Variants in TUBGCP6 observed in about 807,000 individuals in gnomAD.
TUBGCP6 encodes tubulin gamma complex component 6, also known as gamma-tubulin complex component 6.
TUBGCP6 carries 161 observed loss-of-function variants against 175.8 expected under a neutral mutation model. The observed-to-expected ratio is 0.92, with a 90% CI of 0.81 to 1.04. TUBGCP6 has a LOEUF of 1.04. Among genes scored for constraint, TUBGCP6 ranks in the 50% least tolerant of loss-of-function variants. The probability of loss-of-function intolerance (pLI) is 0.00; values close to 1 mark genes in which losing one functional copy is unlikely to be tolerated. For missense variants in TUBGCP6, 2,572 were observed against 2,433.0 expected, an observed-to-expected ratio of 1.06 and a Z score of -1.20; for synonymous variants, 1,173 against 1,030.5, an observed-to-expected ratio of 1.14 and a Z score of -2.65.
chr22:50,221,962 C>G (rs763815736), intron 15 of TUBGCP6, 66 bp downstream of exon 15: 79 of 1,601,364 alleles, frequency 4.9e-5, no homozygotes, highest in Non-Finnish European at 6.1e-5. Flanking sequence ...GCAGCCATGA[C>G]CAACACCAGG....
Position 50,226,810 on chromosome 22 carries a change from C to T in TUBGCP6, c.1524G>A (p.Glu508=), listed in dbSNP as rs913976842. The change falls in exon 7 of 25, where the codon GAG becomes GAA. Residue 508 remains glutamate, a synonymous_variant. Coordinates refer to ENST00000248846, the MANE Select transcript of TUBGCP6 (RefSeq NM_020461.4). ...GVKLLSYLYQ[E]ALHNCSNEHY... ...GCTCGTTGCTGCAGTTGTGCAGAGC[C>T]TCCTGGTAGAGGTAGGACAGCAGCT... 1.3e-6 allele frequency: 2 copies of T among 1,589,122 alleles called. No individual in the cohort carries two copies. The highest frequency in any genetic ancestry group is 1.7e-4 in the Middle Eastern group (1 of 6,040).
chr22:50,225,995 C>T, intron 9 of TUBGCP6, 52 bp from the exon 10 acceptor site: 2 of 1,613,244 alleles, frequency 1.2e-6, no homozygotes, highest in Non-Finnish European at 1.7e-6. Flanking sequence ...CAGCCTCATA[C>T]TCAGCCCCAG....
intron 3 of TUBGCP6, 99 bp from the exon 4 acceptor site, chr22:50,229,676 T>C (rs1270323859): frequency 5.3e-6 from 7 of 1,310,626 alleles, no homozygotes; most frequent in East Asian, 2.5e-5. Context: ...CCACGCCACC[T>C]AGAGTGCCTC....
chr22:50,244,647 C>G lies in TUBGCP6; in HGVS notation c.-188G>C, dbSNP rs1338245468. 4 of 959,604 alleles carry G rather than the reference C, an allele frequency of 4.2e-6. No homozygotes were observed. The highest frequency in any genetic ancestry group is 3.1e-5 in the Admixed American group (1 of 32,142). The allele number at this position is 959,604 out of a possible 1,614,324, so 59.4% of individuals were successfully genotyped here. A position where few individuals can be genotyped will look rare whatever the true frequency, so the allele number is the denominator to read the frequency against. Reference sequence around the variant, plus strand: ...GCGGTTGCTCTACTCAGAGTAAACACGCCCTGCCCTCCCCAGTCCAAGCAC... The same window carrying G: ...GCGGTTGCTCTACTCAGAGTAAACAGGCCCTGCCCTCCCCAGTCCAAGCAC... On this transcript the variant is annotated 5_prime_UTR_variant, in exon 1 of 25. Transcript: ENST00000248846.
At position 50,222,183 on chromosome 22, in the gene TUBGCP6, G is replaced by A. The variant is rs566791691; in HGVS notation, c.2410-81C>T. The A allele has an allele frequency of 2.0e-5, 29 of 1,432,664 alleles. 1 individual carries two copies. The highest frequency in any genetic ancestry group is 9.6e-5 in the South Asian group (8 of 83,714). 88.7% of individuals were successfully genotyped at this position (1,432,664 alleles called of 1,614,324 possible). ...CCCACACAAAGCCACAGCCCCTACC[G>A]CCCATGGCAGCCATGTGCACTGAAC... On this transcript the variant is annotated intron_variant, in intron 14 of 24. Transcript: ENST00000248846.
At chr22:50,234,818 C>G (rs1426596818) in intron 2 of TUBGCP6, among the ~76,000 whole-genome samples, 1 of 147,168 alleles carries the variant, frequency 6.8e-6, no homozygotes, top group African/African-American at 2.6e-5. Context: ...TCATCCACAC[C>G]CCCTGTCCAC....
Position 50,218,025 on chromosome 22 carries a change from T to A in TUBGCP6, c.5261A>T (p.Gln1754Leu). 3 of 1,613,240 alleles carry A rather than the reference T, an allele frequency of 1.9e-6. No individual in the cohort carries two copies. The South Asian group carries it at 3.3e-5, about 18-fold the overall frequency. The change falls in exon 24 of 25, where the codon CAG (glutamine) becomes CTG (leucine). Residue 1754 changes from glutamine (Q) to leucine (L), a missense_variant. Transcript: ENST00000248846. The part of the protein sequence containing the change: ...VLKFRSQLIS[Q>L]AWGPPGGPRG... Reference sequence around the variant, plus strand: ...CGGGCCCCCAGGGGGCCCCCAGGCCTGGGAGATGAGCTGGCTGCGGAACTT... The same window carrying A: ...CGGGCCCCCAGGGGGCCCCCAGGCCAGGGAGATGAGCTGGCTGCGGAACTT...
At chr22:50,220,138 G>A in intron 16 of TUBGCP6, 113 bp downstream of exon 16, 4 of 1,548,990 alleles carry the variant, frequency 2.6e-6, no homozygotes, top group Non-Finnish European at 3.5e-6. Context: ...GGTCCTGGCT[G>A]ACAAGGAGGC....
At chr22:50,241,780 C>T (rs548745219) in intron 1 of TUBGCP6, among the ~76,000 whole-genome samples, 24 of 152,260 alleles carry the variant, frequency 1.6e-4, no homozygotes, top group African/African-American at 5.5e-4. Flanking sequence ...GCCCCTTTTG[C>T]CTTGTATCCA....
Position 50,220,459 on chromosome 22 carries a change from G to T in TUBGCP6, c.3900C>A (p.His1300Gln), listed in dbSNP as rs369328830. 3 of 1,612,804 alleles carry T rather than the reference G, an allele frequency of 1.9e-6. No homozygotes were observed. The highest frequency in any genetic ancestry group is 2.7e-5 in the African/African-American group (2 of 74,944). The change falls in exon 16 of 25, where the codon CAC becomes CAA. Residue 1300 changes from histidine (H) to glutamine (Q), a missense_variant. By Grantham distance (24) the His-to-Gln change is conservative. Transcript: ENST00000248846. ...TPRPQQSPPG[H>Q]TSQSALSLGA... ...CCAGGCTGAGCGCTGACTGGGACGT[G>T]TGGCCAGGGGGGCTCTGTTGGGGCC...
Position 50,226,268 on chromosome 22 carries a change from G to A in TUBGCP6, c.1693+19C>T, listed in dbSNP as rs752090494. ...GCCCACAGGCACGGACCCCTGCCCC[G>A]CAATCAGCTGCCACCTACCTCGGAA... is the stretch of plus-strand genomic sequence containing the variant. On this transcript the variant is annotated intron_variant, in intron 8 of 24. Coordinates refer to ENST00000248846, the MANE Select transcript of TUBGCP6 (RefSeq NM_020461.4). 113 of 1,613,808 alleles carry A rather than the reference G, an allele frequency of 7.0e-5. No individual in the cohort carries two copies. In the South Asian group the frequency reaches 9.4e-4, roughly 13 times the overall value.
Position 50,225,949 on chromosome 22 carries a change from A to C in TUBGCP6, c.1834-6T>G, listed in dbSNP as rs2064601006. The C allele has an allele frequency of 1.9e-6, 3 of 1,613,062 alleles. No individual in the cohort carries two copies. The highest frequency in any genetic ancestry group is 2.5e-6 in the Non-Finnish European group (3 of 1,179,712). On this transcript the variant is annotated splice_polypyrimidine_tract_variant and splice_region_variant and intron_variant, in intron 9 of 24. Coordinates refer to ENST00000248846, the MANE Select transcript of TUBGCP6 (RefSeq NM_020461.4). Reference sequence around the variant, plus strand: ...TCGGACCAACAGAGGTAATGCTGCCAAAGGGGATGCAAGCACAGCCACCAG... The same window carrying C: ...TCGGACCAACAGAGGTAATGCTGCCCAAGGGGATGCAAGCACAGCCACCAG...
rs886041788 is a variant in TUBGCP6 at position 50,226,049 on chromosome 22, C to T, written c.1833+1G>A. ...TTCCCCACACATGAGCCCCTCCTCA[C>T]CCGGGGGCAGCAGAGCTTCAGCAGG... On this transcript the variant is annotated splice_donor_variant, in intron 9 of 24. Transcript: ENST00000248846. LOFTEE classifies it high-confidence loss of function. 29 of 1,614,018 alleles carry T rather than the reference C, an allele frequency of 1.8e-5. No individual in the cohort carries two copies. The highest frequency in any genetic ancestry group is 2.4e-5 in the Non-Finnish European group (28 of 1,180,024).
chr22:50,240,063 A>G (rs574724614), intron 2 of TUBGCP6, 141 bp downstream of exon 2: 1 of 1,195,268 alleles, frequency 8.4e-7, no homozygotes, highest in East Asian at 2.6e-5. Context: ...GACTCAGTCA[A>G]TTTTGGACAC....
chr22:50,239,754 A>C (rs529556350), intron 2 of TUBGCP6, among the ~76,000 whole-genome samples: 1 of 152,300 alleles, frequency 6.6e-6, no homozygotes, highest in African/African-American at 2.4e-5. Flanking sequence ...TGAATGGAAA[A>C]GGCTCCTTCA....
At chr22:50,239,750 GA>G (rs1273671894) in intron 2 of TUBGCP6, among the ~76,000 whole-genome samples, 2 of 152,184 alleles carry the variant, frequency 1.3e-5, no homozygotes, top group African/African-American at 4.8e-5. Context: ...GACATGAATG[GA>G]AAAGGCTCCT....
chr22:50,218,822 A>G lies in TUBGCP6; in HGVS notation c.4702T>C (p.Cys1568Arg), dbSNP rs1275675121. Residue 1568 changes from cysteine (C) to arginine (R), a missense_variant, in exon 21 of 25, where the codon TGC becomes CGC. Physicochemically the swap from Cys to Arg is radical, Grantham distance 180. Transcript: ENST00000248846. ...TGCGGGGTGTCCCCATGCAGGCTGC[A>G]CTGCAGGGCCTTGCTCAGCACAGAG... ...LNSVLSKALQ[C>R]SLHGDTPHAS... 7.4e-6 allele frequency: 12 copies of G among 1,613,994 alleles called. No homozygotes were observed. The highest frequency in any genetic ancestry group is 9.3e-6 in the Non-Finnish European group (11 of 1,180,022).
rs1338223277 is a variant in TUBGCP6 at position 50,244,008 on chromosome 22, T to G, written c.452A>C (p.Asp151Ala). 1 of 1,614,162 alleles carries G rather than the reference T, an allele frequency of 6.2e-7. No homozygotes were observed. The highest frequency in any genetic ancestry group is 2.2e-5 in the East Asian group (1 of 44,890). ...RNVPYSGYDC[D>A]DLSVFEMDVQ... is the part of the protein sequence containing the mutation. Reference sequence around the variant, plus strand: ...GTCCATCTCAAACACACTCAGGTCGTCGCAATCATAGCCGCTGTACGGAAC... The same window carrying G: ...GTCCATCTCAAACACACTCAGGTCGGCGCAATCATAGCCGCTGTACGGAAC... Residue 151 changes from aspartate (D) to alanine (A), a missense_variant, in exon 1 of 25, where the codon GAC (aspartate) becomes GCC (alanine). Physicochemically the swap from Asp to Ala is moderately radical, Grantham distance 126 (BLOSUM62 -2). Transcript: ENST00000248846.
Position 50,233,531 on chromosome 22 carries a change from G to A in TUBGCP6, c.906-5C>T, listed in dbSNP as rs774192101. 1.9e-5 allele frequency: 31 copies of A among 1,597,856 alleles called. No individual in the cohort carries two copies. The highest frequency in any genetic ancestry group is 4.0e-4 in the Middle Eastern group (2 of 4,962). On this transcript the variant is annotated splice_polypyrimidine_tract_variant and splice_region_variant and intron_variant, in intron 2 of 24. Coordinates refer to ENST00000248846, the MANE Select transcript of TUBGCP6 (RefSeq NM_020461.4). ...TCCTCTCTGTGGCCAGGGGGGCTGC[G>A]AGGGGTGCAGAAGAGAGGCCATGAG...
Sources: allele counts gnomAD v4.1 joint callset (sites outside exome capture counted in the v4.1 genomes callset), GRCh38; gene constraint gnomAD v4.1.1; transcripts MANE v1.5; gene names NCBI Gene and HGNC (gene_info 2026-07-23, HGNC 2026-07-21).